Variants in NBAS observed in about 807,000 individuals in gnomAD.
NBAS encodes NAG/BC035112 fusion.
NBAS carries 219 observed loss-of-function variants against 302.5 expected under a neutral mutation model. The ratio of observed to expected loss-of-function variants is 0.72; its 90% CI spans 0.65 to 0.81. The LOEUF is 0.81. Ranked by LOEUF, NBAS falls within the 30% of genes least tolerant of loss-of-function variation. NBAS has a pLI of 0.00. For missense variants in NBAS, 2,932 were observed against 2,841.6 expected (o/e 1.03, Z -0.72); for synonymous variants, 1,118 against 1,021.6 (o/e 1.09, Z -1.80).
intron 13 of NBAS, 35 bp downstream of exon 13, chr2:15,478,191 T>C (rs1330049013): frequency 1.5e-6 from 2 of 1,372,770 alleles, no homozygotes; most frequent in Middle Eastern, 1.8e-4. Flanking sequence ...TAGGAGTATA[T>C]TAAGGTTTCA....
the NBAS span, among the ~76,000 whole-genome samples, chr2:15,120,500 T>C: frequency 6.7e-6 from 1 of 149,878 alleles, no homozygotes; most frequent in African/African-American, 2.5e-5. Flanking sequence ...CTTGCTTTAT[T>C]CTCATCTTTT....
intron 21 of NBAS, among the ~76,000 whole-genome samples, chr2:15,455,382 A>C (rs1679204069): frequency 6.6e-6 from 1 of 152,124 alleles, no homozygotes. Context: ...TTCCAGTGCT[A>C]ATTTCTAATT....
chr2:15,402,331 T>C lies in NBAS; in HGVS notation c.2938-30A>G, dbSNP rs1467076332. ...AGAAAATAAAGTATGTTGTACTAAA[T>C]GTCAACAGATTTATAGTCAATTTTT... On this transcript the variant is annotated intron_variant, in intron 25 of 51. Coordinates refer to ENST00000281513, the MANE Select transcript of NBAS (RefSeq NM_015909.4). 2.5e-6 allele frequency: 4 copies of C among 1,610,460 alleles called. No individual in the cohort carries two copies. In the African/African-American group the frequency reaches 4.0e-5, roughly 16 times the overall value.
At chr2:14,892,969 T>C in the NBAS span, among the ~76,000 whole-genome samples, 2 of 152,218 alleles carry the variant, frequency 1.3e-5, no homozygotes, top group East Asian at 3.8e-4. Context: ...AAGCCTAGAA[T>C]AATTTACTTA....
chr2:15,035,804 A>T, the NBAS span, among the ~76,000 whole-genome samples: 1 of 152,154 alleles, frequency 6.6e-6, no homozygotes, highest in Non-Finnish European at 1.5e-5. Context: ...ACACATGGAC[A>T]CAAGGAGGGG....
At chr2:14,931,729 T>C in the NBAS span, among the ~76,000 whole-genome samples, 1 of 152,198 alleles carries the variant, frequency 6.6e-6, no homozygotes, top group Non-Finnish European at 1.5e-5. Flanking sequence ...CATTCTGTTG[T>C]GTGAGGCCCC....
intron 51 of NBAS, among the ~76,000 whole-genome samples, chr2:15,177,554 A>G (rs1664606728): frequency 6.6e-6 from 1 of 152,190 alleles, no homozygotes; most frequent in African/African-American, 2.4e-5. Context: ...GGCACTGTAT[A>G]ATACATCACT....
At chr2:15,558,865 T>C (rs1664772563) in intron 1 of NBAS, among the ~76,000 whole-genome samples, 1 of 151,806 alleles carries the variant, frequency 6.6e-6, no homozygotes, top group African/African-American at 2.4e-5. Flanking sequence ...GCCCAGGAGC[T>C]CCAGACCTGC....
At chr2:15,164,697 A>G (rs1191871931), downstream of NBAS, among the ~76,000 whole-genome samples, 1 of 152,228 alleles carries the variant, frequency 6.6e-6, no homozygotes, top group Non-Finnish European at 1.5e-5. Flanking sequence ...ACAACATATC[A>G]TCTTACTCCT....
At chr2:15,355,913 T>C (rs1448252620) in intron 33 of NBAS, among the ~76,000 whole-genome samples, 2 of 152,110 alleles carry the variant, frequency 1.3e-5, no homozygotes, top group African/African-American at 2.4e-5. Context: ...AACGAAATAA[T>C]ACACTATCTT....
At chr2:15,042,665 C>A in the NBAS span, among the ~76,000 whole-genome samples, 1 of 152,254 alleles carries the variant, frequency 6.6e-6, no homozygotes, top group South Asian at 2.1e-4. Flanking sequence ...CACTCTGCCC[C>A]CTTTCTTAGA....
chr2:15,388,082 G>GA (rs1445101545), intron 28 of NBAS, among the ~76,000 whole-genome samples: 7 of 152,030 alleles, frequency 4.6e-5, no homozygotes, highest in Admixed American at 4.6e-4. Flanking sequence ...GGGAATGCAG[G>GA]AAAAAAACAG....
intron 9 of NBAS, among the ~76,000 whole-genome samples, chr2:15,534,257 T>C (rs1311279564): frequency 6.6e-6 from 1 of 152,198 alleles, no homozygotes. Flanking sequence ...TTGAGTTATG[T>C]ATCATACCCA....
the NBAS span, among the ~76,000 whole-genome samples, chr2:15,003,001 G>A: frequency 2.7e-4 from 41 of 152,382 alleles, no homozygotes; most frequent in South Asian, 8.3e-3. Context: ...GCGGCGGGCT[G>A]AAGGGCTCCT....
intron 48 of NBAS, among the ~76,000 whole-genome samples, chr2:15,201,793 G>A (rs1361732602): frequency 6.6e-6 from 1 of 152,062 alleles, no homozygotes; most frequent in Admixed American, 6.6e-5. Flanking sequence ...CAGATATGGC[G>A]ACAATTTTCT....
intron 21 of NBAS, among the ~76,000 whole-genome samples, chr2:15,432,376 A>T (rs1403957710): frequency 2.6e-5 from 4 of 151,962 alleles, no homozygotes; most frequent in African/African-American, 9.7e-5. Context: ...TTAGAACCCT[A>T]TTCATTGTTT....
chr2:15,048,195 T>A, the NBAS span, among the ~76,000 whole-genome samples: 8 of 152,164 alleles, frequency 5.3e-5, no homozygotes, highest in Admixed American at 3.3e-4. Flanking sequence ...GCACATGGAA[T>A]AAAATGACCC....
the NBAS span, among the ~76,000 whole-genome samples, chr2:15,063,849 T>C: frequency 6.6e-6 from 1 of 152,204 alleles, no homozygotes; most frequent in African/African-American, 2.4e-5. Context: ...TCCAGAATCA[T>C]GAGAAAATAA....
chr2:14,964,698 A>G, the NBAS span, among the ~76,000 whole-genome samples: 1 of 152,156 alleles, frequency 6.6e-6, no homozygotes, highest in South Asian at 2.1e-4. Context: ...AACACCACAC[A>G]ACCTGATTAA....
Sources: allele counts gnomAD v4.1 joint callset (sites outside exome capture counted in the v4.1 genomes callset), GRCh38; gene constraint gnomAD v4.1.1; transcripts MANE v1.5; gene names NCBI Gene and HGNC (gene_info 2026-07-23, HGNC 2026-07-21).